CYP11B2: variants seen among roughly 807,000 people sequenced by gnomAD.
CYP11B2 encodes cytochrome P450 11B2, mitochondrial.
A neutral mutation model predicts 49.3 loss-of-function variants in CYP11B2; 38 were observed. That is an observed-to-expected ratio of 0.77 (90% CI 0.59 to 1.01). The LOEUF (loss-of-function observed/expected upper bound fraction) is 1.01, where lower values mean the gene tolerates loss of function less well. Among genes scored for constraint, CYP11B2 ranks in the 50% least tolerant of loss-of-function variants. The pLI is 0.00. For missense variants in CYP11B2, 669 were observed against 655.5 expected, an observed-to-expected ratio of 1.02 and a Z score of -0.23; for synonymous variants, 290 against 269.3, an observed-to-expected ratio of 1.08 and a Z score of -0.75.
In CYP11B2 at chr8:142,913,281, C is replaced by T. The variant is rs1817574261; in HGVS notation, c.1121+4G>A. On this transcript the variant is annotated splice_donor_region_variant and intron_variant, in intron 6 of 8. Coordinates refer to ENST00000323110, the MANE Select transcript of CYP11B2 (RefSeq NM_000498.3). ...GCCACAGGGAGGCCTCAGCCAGCACCCACCGCAAGGTCTCCTTGAGGGCCG... is the reference window on the plus strand; with the variant it reads ...GCCACAGGGAGGCCTCAGCCAGCACTCACCGCAAGGTCTCCTTGAGGGCCG... The T allele has an allele frequency of 1.2e-6, 2 of 1,612,958 alleles. No homozygotes were observed. Among genetic ancestry groups the T allele is most frequent in the African/African-American group, 2.7e-5 (2 of 74,840 alleles).
chr8:142,912,577 G>A lies in CYP11B2; in HGVS notation c.1351C>T (p.Leu451Phe). The A allele has an allele frequency of 6.2e-7, 1 of 1,614,128 alleles. No individual in the cohort carries two copies. Among genetic ancestry groups the A allele is most frequent in the Middle Eastern group, 1.7e-4 (1 of 6,054 alleles). ...TCTGCCTCTGCCAGGCGCCGCCCGA[G>A]GCACTGGCGCATGCCAAAGCCAAAG... The part of the protein sequence containing the change: ...VPFGFGMRQC[L>F]GRRLAEAEML... Residue 451 changes from leucine to phenylalanine, a missense_variant, in exon 8 of 9, where the codon CTC (leucine) becomes TTC (phenylalanine). Physicochemically the swap from Leu to Phe is conservative, Grantham distance 22 (BLOSUM62 0). Transcript: ENST00000323110.
In CYP11B2 at chr8:142,911,671, C is replaced by A; in HGVS notation, c.*309G>T. On this transcript the variant is annotated 3_prime_UTR_variant, in exon 9 of 9. Transcript: ENST00000323110. ...ACCCTTGCATGGCCTCATGAGGAGCCTGGAGCCAGCGCTGGGAGTAGAGTC... is the reference window on the plus strand; with the variant it reads ...ACCCTTGCATGGCCTCATGAGGAGCATGGAGCCAGCGCTGGGAGTAGAGTC... The A allele has an allele frequency of 2.6e-6, 1 of 378,534 alleles. No individual in the cohort carries two copies. The highest frequency in any genetic ancestry group is 4.6e-6 in the Non-Finnish European group (1 of 218,190). The allele number at this position is 378,534 out of a possible 1,614,324, so 23.4% of individuals were successfully genotyped here.
intron 5 of CYP11B2, among the ~76,000 whole-genome samples, 157 bp from the exon 6 acceptor site, chr8:142,913,608 T>C (rs1817581739): frequency 1.3e-5 from 2 of 152,018 alleles, no homozygotes; most frequent in African/African-American, 2.4e-5. Context: ...TGATGACCAC[T>C]TGGGCCAGAT....
rs763540058 is a variant in CYP11B2 at position 142,915,129 on chromosome 8, G to A, written c.512C>T (p.Ala171Val). 4.0e-5 allele frequency: 65 copies of A among 1,613,770 alleles called. 2 individuals are homozygous for A. Among genetic ancestry groups the A allele is most frequent in the East Asian group, 2.9e-4 (13 of 44,874 alleles). The change falls in exon 3 of 9, where the codon GCC becomes GTC. Residue 171 changes from alanine (A) to valine (V), a missense_variant. Coordinates refer to ENST00000323110, the MANE Select transcript of CYP11B2 (RefSeq NM_000498.3). Reference sequence around the variant, plus strand: ...GTTCTGCAGCACCTTCTTCTTCAGGGCCTGGGAGAAGTCCCTGGCCACTGC... The same window carrying A: ...GTTCTGCAGCACCTTCTTCTTCAGGACCTGGGAGAAGTCCCTGGCCACTGC... Reference protein sequence around the residue: ...VDAVARDFSQALKKKVLQNAR... With the variant: ...VDAVARDFSQVLKKKVLQNAR...
Position 142,917,707 on chromosome 8 carries a change from G to A in CYP11B2, c.134C>T (p.Pro45Leu), listed in dbSNP as rs1254612370. The A allele has an allele frequency of 6.2e-7, 1 of 1,614,240 alleles. No individual in the cohort carries two copies. The highest frequency in any genetic ancestry group is 1.1e-5 in the South Asian group (1 of 91,086). The change falls in exon 1 of 9, where the codon CCA (proline) becomes CTA (leucine). Residue 45 changes from proline to leucine, a missense_variant. Physicochemically the swap from Pro to Leu is moderately conservative, Grantham distance 98. Transcript: ENST00000323110. ...CAGCAGCCTCAGCCACCTGTTGCCT[G>A]GATGCTGGGGCATGGCTTCAAACGG... The part of the protein sequence containing the change: ...VLPFEAMPQH[P>L]GNRWLRLLQI...
At chr8:142,915,953 C>T (rs1412959600) in intron 2 of CYP11B2, among the ~76,000 whole-genome samples, 17 of 152,190 alleles carry the variant, frequency 1.1e-4, no homozygotes, top group Non-Finnish European at 2.2e-4. Flanking sequence ...TGCACACGTG[C>T]GCCCATGCAA....
At position 142,917,629 on chromosome 8, in the gene CYP11B2, G is replaced by A; in HGVS notation, c.212C>T (p.Thr71Ile). Residue 71 changes from threonine to isoleucine, a missense_variant, in exon 1 of 9, where the codon ACC becomes ATC. By Grantham distance (89) the Thr-to-Ile change is moderately conservative. Transcript: ENST00000323110. ...GAAAATGGGCCCCAGCTCCTGGAAG[G>A]TCTGGTGCATCTCCAGGTGCAGGTG... is the stretch of plus-strand genomic sequence containing the variant. ...YEHLHLEMHQTFQELGPIFRY... is the reference protein window; with the variant it reads ...YEHLHLEMHQIFQELGPIFRY... 2 of 1,614,246 alleles carry A rather than the reference G, an allele frequency of 1.2e-6. No individual in the cohort carries two copies. Among genetic ancestry groups the A allele is most frequent in the East Asian group, 2.2e-5 (1 of 44,880 alleles).
rs1817597785 is a variant in CYP11B2, at chr8:142,914,360, G to A, written c.858C>T (p.Tyr286=). 6 of 1,613,216 alleles carry A rather than the reference G, an allele frequency of 3.7e-6. 1 individual carries two copies. In the Admixed American group the frequency reaches 8.3e-5, roughly 22 times the overall value. Reference sequence around the variant, plus strand: ...ACAGGAGCTCCGCCACGATGCCTGTGTAGTGTTGAGGGCGGTTGAAGGCCA... The same window carrying A: ...ACAGGAGCTCCGCCACGATGCCTGTATAGTGTTGAGGGCGGTTGAAGGCCA... ...QELAFNRPQH[Y]TGIVAELLLK... is the part of the protein sequence containing the mutation. The change falls in exon 5 of 9, where the codon TAC becomes TAT. Residue 286 remains tyrosine, a synonymous_variant. Transcript: ENST00000323110.
At position 142,911,898 on chromosome 8, in the gene CYP11B2, A is replaced by C. The variant is rs1406817416; in HGVS notation, c.*82T>G. On this transcript the variant is annotated 3_prime_UTR_variant, in exon 9 of 9. Coordinates refer to ENST00000323110, the MANE Select transcript of CYP11B2 (RefSeq NM_000498.3). ...AGAGGGGTGACTCAGGAAGCTGTGC[A>C]CGTGGGAGAGAAGACAGGTGGCCTG... 6.2e-7 allele frequency: 1 copy of C among 1,602,128 alleles called. No homozygotes were observed. Among genetic ancestry groups the C allele is most frequent in the Non-Finnish European group, 8.5e-7 (1 of 1,173,190 alleles).
At position 142,915,158 on chromosome 8, in the gene CYP11B2, C is replaced by T. The variant is rs1817621378; in HGVS notation, c.483G>A (p.Val161=). ...GGGAGAAGTCCCTGGCCACTGCATC[C>T]ACCATCGGGAGGAACCTCTGCACGG... ...PKAVQRFLPM[V]DAVARDFSQA... The change falls in exon 3 of 9, where the codon GTG becomes GTA. Residue 161 remains valine, a synonymous_variant. Coordinates refer to ENST00000323110, the MANE Select transcript of CYP11B2 (RefSeq NM_000498.3). 2 of 1,614,150 alleles carry T rather than the reference C, an allele frequency of 1.2e-6. No homozygotes were observed. The highest frequency in any genetic ancestry group is 1.3e-5 in the African/African-American group (1 of 75,068).
At chr8:142,913,183 G>A (rs1415223308) in intron 6 of CYP11B2, 102 bp downstream of exon 6, 7 of 1,306,630 alleles carry the variant, frequency 5.4e-6, no homozygotes, top group Non-Finnish European at 7.5e-6. Flanking sequence ...GGGCTGCTGG[G>A]TGACGCTGTT....
chr8:142,913,505 G>A (rs538325327), intron 5 of CYP11B2, 54 bp from the exon 6 acceptor site: 96 of 1,610,122 alleles, frequency 6.0e-5, no homozygotes, highest in African/African-American at 1.2e-4. Context: ...CTCAGCCCCC[G>A]GGACACCCCT....
Position 142,913,382 on chromosome 8 carries a change from G to A in CYP11B2, c.1024C>T (p.Gln342Ter). 2.5e-6 allele frequency: 4 copies of A among 1,613,950 alleles called. No individual in the cohort carries two copies. The highest frequency in any genetic ancestry group is 3.3e-5 in the Admixed American group (2 of 60,028). The change falls in exon 6 of 9, where the codon CAG becomes TAG. Residue 342 changes from glutamine to a stop codon, truncating the protein, a stop_gained. Transcript: ENST00000323110. LOFTEE classifies it high-confidence loss of function. ...RNPDVQQILR[Q>*]ESLAAAASIS... ...CTGGCTGCGGCGGCCAGGCTCTCCT[G>A]GCGCAGGATCTGCTGCACGTCGGGG...
chr8:142,912,403 C>T lies in CYP11B2; in HGVS notation c.1398+127G>A, dbSNP rs371480101. ...CAGCACAGATCCTCCCTGGTCACGC[C>T]GACCTCAACCAACCAAGGCCCCATC... On this transcript the variant is annotated intron_variant, in intron 8 of 8. Coordinates refer to ENST00000323110, the MANE Select transcript of CYP11B2 (RefSeq NM_000498.3). The T allele has an allele frequency of 3.2e-4, 348 of 1,100,544 alleles. 1 individual carries two copies. Among genetic ancestry groups the T allele is most frequent in the East Asian group, 9.0e-4 (35 of 39,010 alleles). The allele number at this position is 1,100,544 out of a possible 1,614,324, so 68.2% of individuals were successfully genotyped here.
At chr8:142,915,677 C>G (rs1219618664) in intron 2 of CYP11B2, among the ~76,000 whole-genome samples, 8 of 130,874 alleles carry the variant, frequency 6.1e-5, no homozygotes, top group African/African-American at 1.5e-4. Context: ...TCCTCCCCAC[C>G]CTTCCCCGCC....
intron 8 of CYP11B2, 42 bp from the exon 9 acceptor site, chr8:142,912,135 C>G (rs1390703082): frequency 2.5e-6 from 4 of 1,613,242 alleles, no homozygotes; most frequent in Non-Finnish European, 3.4e-6. Context: ...GGTCAGTAGC[C>G]CATGGACCTG....
At chr8:142,913,668 G>A (rs1817582565) in intron 5 of CYP11B2, among the ~76,000 whole-genome samples, 1 of 152,056 alleles carries the variant, frequency 6.6e-6, no homozygotes, top group Non-Finnish European at 1.5e-5. Flanking sequence ...CAAGGCCCAG[G>A]TCCCCTGCAG....
In CYP11B2 at chr8:142,914,274, C is replaced by T. The variant is rs138231115; in HGVS notation, c.944G>A (p.Ser315Asn). The T allele has an allele frequency of 1.9e-6, 3 of 1,614,044 alleles. No homozygotes were observed. Among genetic ancestry groups the T allele is most frequent in the Admixed American group, 1.7e-5 (1 of 60,012 alleles). ...GGTTGCTGGCCTGACCGTGTCCACG[C>T]TCCCTGCAGTGAGTTCCATAGAGTT... is the stretch of plus-strand genomic sequence containing the variant. ...KANSMELTAG[S>N]VDTTAFPLLM... Residue 315 changes from serine to asparagine, a missense_variant, in exon 5 of 9, where the codon AGC becomes AAC. Transcript: ENST00000323110.
In CYP11B2 at chr8:142,917,647, T is replaced by C; in HGVS notation, c.194A>G (p.His65Arg). ...CTGGAAGGTCTGGTGCATCTCCAGG[T>C]GCAGGTGCTCATAACCCTGCTCCCT... ...IWREQGYEHL[H>R]LEMHQTFQEL... is the part of the protein sequence containing the mutation. Residue 65 changes from histidine (H) to arginine (R), a missense_variant, in exon 1 of 9, where the codon CAC becomes CGC. Physicochemically the swap from His to Arg is conservative, Grantham distance 29. Transcript: ENST00000323110. 6.2e-7 allele frequency: 1 copy of C among 1,614,222 alleles called. No individual in the cohort carries two copies. The highest frequency in any genetic ancestry group is 8.5e-7 in the Non-Finnish European group (1 of 1,180,046).
Sources: gnomAD v4.1 joint callset for allele counts (sites outside exome capture counted in the v4.1 genomes callset) on GRCh38, gnomAD v4.1.1 for gene constraint, MANE v1.5 for transcripts, NCBI Gene and HGNC (gene_info 2026-07-23, HGNC 2026-07-21) for gene names.